SGK1: variants seen among roughly 807,000 people sequenced by gnomAD.
SGK1 encodes the protein serum/glucocorticoid regulated kinase 1.
SGK1 carries 26 observed loss-of-function variants against 64.2 expected under a neutral mutation model. The observed-to-expected ratio is 0.40, with a 90% CI of 0.30 to 0.56. SGK1 has a LOEUF of 0.56. SGK1 is among the 20% of genes least tolerant of loss of function. The pLI is 0.38. For missense variants in SGK1, 519 were observed against 645.6 expected, an observed-to-expected ratio of 0.80 and a Z score of 2.12; for synonymous variants, 265 against 239.7, an observed-to-expected ratio of 1.11 and a Z score of -0.98.
At chr6:134,201,675 A>G (rs1191536872) in intron 3 of SGK1, among the ~76,000 whole-genome samples, 1 of 152,154 alleles carries the variant, frequency 6.6e-6, no homozygotes, top group Non-Finnish European at 1.5e-5. Flanking sequence ...TATTTCTTGT[A>G]TTATTAAAAT....
chr6:134,201,432 G>T (rs1775682959), intron 3 of SGK1, among the ~76,000 whole-genome samples: 1 of 151,722 alleles, frequency 6.6e-6, no homozygotes, highest in Non-Finnish European at 1.5e-5. Context: ...CCCAATCTCG[G>T]CTCATTGCAA....
At chr6:134,264,183 G>T (rs779330399) in intron 1 of SGK1, among the ~76,000 whole-genome samples, 1 of 150,544 alleles carries the variant, frequency 6.6e-6, no homozygotes, top group South Asian at 2.1e-4. Flanking sequence ...ACAGTGGCGC[G>T]ATCTCAGCTC....
intron 1 of SGK1, among the ~76,000 whole-genome samples, chr6:134,304,384 G>A (rs1317364075): frequency 6.6e-6 from 1 of 152,210 alleles, no homozygotes; most frequent in Non-Finnish European, 1.5e-5. Flanking sequence ...GGGTGCGGAT[G>A]CTCACGCCTG....
rs546594801 is a variant in SGK1 at position 134,216,523 on chromosome 6, T to C, written c.286-9092A>G. Among the ~76,000 whole-genome samples the C allele has an allele frequency of 6.6e-5, 10 of 152,348 alleles. No individual in the cohort carries two copies. In the South Asian group the frequency reaches 8.3e-4, roughly 13 times the overall value. ...TATGAGATAAAAGAGTCTTCTTCCA[T>C]TGACTGTCTTAGATGGGCTTATCAC... On this transcript the variant is annotated intron_variant, in intron 2 of 13. Coordinates refer to ENST00000367858, the MANE Select transcript of SGK1 (RefSeq NM_001143676.3).
chr6:134,296,776 CAAA>C (rs869144600), intron 1 of SGK1, among the ~76,000 whole-genome samples: 2 of 66,736 alleles, frequency 3.0e-5, no homozygotes, highest in Non-Finnish European at 5.9e-5. Flanking sequence ...TATTTTGGAC[CAAA>C]AAAAAAAAAA....
chr6:134,279,431 A>AAAATAAATAAAT (rs142061179), intron 1 of SGK1, among the ~76,000 whole-genome samples: 2,438 of 148,096 alleles, frequency 0.016, 42 homozygotes, highest in East Asian at 0.087. Flanking sequence ...ATCCTGTCTC[A>AAAATAAATAAAT]AAATAAATAA....
intron 2 of SGK1, chr6:134,261,477 A>C: frequency 3.7e-6 from 1 of 267,866 alleles, no homozygotes. Context: ...AGTGGTTGCT[A>C]GGGGTCAGGG....
chr6:134,245,727 A>G (rs973594696), intron 2 of SGK1, among the ~76,000 whole-genome samples: 6 of 152,226 alleles, frequency 3.9e-5, no homozygotes, highest in African/African-American at 1.2e-4. Flanking sequence ...CTAGTGGCTC[A>G]TGCCTATAAT....
At position 134,237,394 on chromosome 6, in the gene SGK1, C is replaced by T. The variant is rs377409300; in HGVS notation, c.285+24539G>A. Among the ~76,000 whole-genome samples, 43 of 151,718 alleles carry T rather than the reference C, an allele frequency of 2.8e-4. 1 individual carries two copies. In the South Asian group the frequency reaches 7.3e-3, roughly 26 times the overall value. On this transcript the variant is annotated intron_variant, in intron 2 of 13. Coordinates refer to ENST00000367858, the MANE Select transcript of SGK1 (RefSeq NM_001143676.3). Reference sequence around the variant, plus strand: ...TCACTGGTTTATTTTCATAAAATAACGCTGGACACAGTGGCTCATGCCTGT... The same window carrying T: ...TCACTGGTTTATTTTCATAAAATAATGCTGGACACAGTGGCTCATGCCTGT...
intron 2 of SGK1, among the ~76,000 whole-genome samples, chr6:134,253,423 C>T (rs1236205472): frequency 1.3e-5 from 2 of 151,876 alleles, no homozygotes; most frequent in Admixed American, 1.3e-4. Context: ...CATGAGCCAC[C>T]GCGCCCAGCT....
At chr6:134,303,000 C>A (rs1346897591) in intron 1 of SGK1, among the ~76,000 whole-genome samples, 1 of 152,060 alleles carries the variant, frequency 6.6e-6, no homozygotes, top group Non-Finnish European at 1.5e-5. Context: ...AGTGATCCAC[C>A]CACTTCAGCC....
At chr6:134,202,233 C>T (rs543032541) in intron 3 of SGK1, among the ~76,000 whole-genome samples, 20 of 152,224 alleles carry the variant, frequency 1.3e-4, no homozygotes, top group Admixed American at 2.0e-4. Flanking sequence ...AAAGTAGCCA[C>T]GCAGAATTCC....
chr6:134,192,548 C>T (rs1157545411), intron 3 of SGK1, among the ~76,000 whole-genome samples: 1 of 152,110 alleles, frequency 6.6e-6, no homozygotes, highest in Admixed American at 6.6e-5. Flanking sequence ...TTGCCTCTGG[C>T]ATCCCTGGTT....
chr6:134,221,673 G>T (rs145574642), intron 2 of SGK1, among the ~76,000 whole-genome samples: 6 of 150,218 alleles, frequency 4.0e-5, no homozygotes, highest in African/African-American at 9.8e-5. Flanking sequence ...TTTTTCTTGA[G>T]AGGGAGTCTC....
In SGK1 at chr6:134,241,048, C is replaced by CTTTT. The variant is rs10686058; in HGVS notation, c.285+20881_285+20884dup. On this transcript the variant is annotated intron_variant, in intron 2 of 13. Transcript: ENST00000367858. Reference sequence around the variant, plus strand: ...CTGAAGATGTTTCTTTTCTTTTTTTCTTTTTTTTTTTTTTTTTTTGAGACA... The same window carrying CTTTT: ...CTGAAGATGTTTCTTTTCTTTTTTTCTTTTTTTTTTTTTTTTTTTTTTTGAGACA... Among the ~76,000 whole-genome samples the CTTTT allele has an allele frequency of 3.2e-4, 24 of 74,112 alleles. 1 individual carries two copies. The highest frequency in any genetic ancestry group is 6.9e-4 in the African/African-American group (20 of 28,996). The allele number at this position is 74,112 out of a possible 152,430, so 48.6% of individuals were successfully genotyped here.
rs1359729832 is a variant in SGK1, at chr6:134,282,519, GGC to G, written c.70-20373_70-20372del. ...ATACAAAAAATTAGCTGGGCATGGT[GGC>G]GCACACCTGTAATTCCAGCTACTCG... On this transcript the variant is annotated intron_variant, in intron 1 of 13. Coordinates refer to ENST00000367858, the MANE Select transcript of SGK1 (RefSeq NM_001143676.3). Among the ~76,000 whole-genome samples the G allele has an allele frequency of 2.5e-3, 384 of 151,348 alleles. 2 individuals carry two copies. Among genetic ancestry groups the G allele is most frequent in the African/African-American group, 9.1e-3 (373 of 40,766 alleles).
chr6:134,295,940 T>C (rs1777341253), intron 1 of SGK1, among the ~76,000 whole-genome samples: 1 of 152,226 alleles, frequency 6.6e-6, no homozygotes, highest in South Asian at 2.1e-4. Flanking sequence ...TCTCTTTTAC[T>C]CCTAGGATGA....
chr6:134,254,126 T>C (rs1417092681), intron 2 of SGK1, among the ~76,000 whole-genome samples: 5 of 146,788 alleles, frequency 3.4e-5, no homozygotes, highest in African/African-American at 1.3e-4. Flanking sequence ...TTTTTTTTTT[T>C]TCAAAAAAAA....
intron 3 of SGK1, among the ~76,000 whole-genome samples, chr6:134,191,667 GTT>G (rs869227827): frequency 1.3e-5 from 2 of 149,958 alleles, no homozygotes; most frequent in Non-Finnish European, 3.0e-5. Context: ...TTGTTTTTTT[GTT>G]TTTGTTTTTT....
Sources: gnomAD v4.1 joint callset for allele counts (sites outside exome capture counted in the v4.1 genomes callset) on GRCh38, gnomAD v4.1.1 for gene constraint, MANE v1.5 for transcripts, NCBI Gene and HGNC (gene_info 2026-07-23, HGNC 2026-07-21) for gene names.